ITGBL1: variants seen among roughly 807,000 people sequenced by gnomAD.
ITGBL1 encodes the protein integrin subunit beta like 1, also known as integrin beta-like protein 1.
ITGBL1 carries 51 observed loss-of-function variants against 68.5 expected under a neutral mutation model. The observed-to-expected ratio is 0.74, with a 90% confidence interval of 0.59 to 0.94. The LOEUF is 0.94. ITGBL1 is among the 40% of genes least tolerant of loss of function. ITGBL1 has a pLI of 0.00. For synonymous variants in ITGBL1, 209 were observed against 227.3 expected, an observed-to-expected ratio of 0.92 and a Z score of 0.72; for missense variants, 649 against 647.4, an observed-to-expected ratio of 1.00 and a Z score of -0.03.
chr13:101,454,053 A>T lies in ITGBL1; in HGVS notation c.269A>T (p.Glu90Val). Residue 90 changes from glutamate to valine, a missense_variant, in exon 2 of 11, where the codon GAG becomes GTG. Transcript: ENST00000376180. ...GGCATGTTCTTCGGGCCCCTGTGTG[A>T]GTGCCATGAGTGGGTGTGCGAGACC... ...EPGMFFGPLC[E>V]CHEWVCETYD... is the part of the protein sequence containing the mutation. The T allele has an allele frequency of 1.3e-6, 2 of 1,591,752 alleles. No individual in the cohort carries two copies. The highest frequency in any genetic ancestry group is 8.6e-7 in the Non-Finnish European group (1 of 1,169,472).
intron 7 of ITGBL1, among the ~76,000 whole-genome samples, chr13:101,626,776 C>T (rs938761728): frequency 6.6e-6 from 1 of 152,118 alleles, no homozygotes; most frequent in East Asian, 1.9e-4. Context: ...AATAGGAGTA[C>T]ATCTTTTTTT....
intron 9 of ITGBL1, among the ~76,000 whole-genome samples, chr13:101,709,060 G>A (rs1168911834): frequency 3.9e-5 from 6 of 152,194 alleles, no homozygotes; most frequent in Non-Finnish European, 8.8e-5. Context: ...TTGGGGAGAA[G>A]GAGATTAAGG....
chr13:101,495,517 A>G (rs1211852853), intron 2 of ITGBL1, among the ~76,000 whole-genome samples: 2 of 151,882 alleles, frequency 1.3e-5, no homozygotes, highest in East Asian at 1.9e-4. Flanking sequence ...GATTTAATCC[A>G]TGTATGGGTG....
At chr13:101,495,785 A>C (rs1162292449) in intron 2 of ITGBL1, among the ~76,000 whole-genome samples, 2 of 152,100 alleles carry the variant, frequency 1.3e-5, no homozygotes, top group African/African-American at 4.8e-5. Context: ...TCTGTCTGGG[A>C]CCTGGTAAGG....
intron 2 of ITGBL1, among the ~76,000 whole-genome samples, chr13:101,557,748 G>A (rs2050030860): frequency 6.6e-6 from 1 of 152,010 alleles, no homozygotes; most frequent in Non-Finnish European, 1.5e-5. Flanking sequence ...GGCTTGAGAG[G>A]CTTCTGTCAT....
At chr13:101,598,659 C>T (rs1566749589) in intron 7 of ITGBL1, among the ~76,000 whole-genome samples, 2 of 152,044 alleles carry the variant, frequency 1.3e-5, no homozygotes, top group Non-Finnish European at 2.9e-5. Flanking sequence ...TTGTTCAATT[C>T]CCACCTATGA....
intron 6 of ITGBL1, among the ~76,000 whole-genome samples, chr13:101,590,546 T>C (rs2050634141): frequency 6.6e-6 from 1 of 152,180 alleles, no homozygotes; most frequent in South Asian, 2.1e-4. Flanking sequence ...TCACAGCCAT[T>C]AAACTTTCAA....
intron 7 of ITGBL1, among the ~76,000 whole-genome samples, chr13:101,631,651 C>G (rs1435797230): frequency 1.3e-5 from 2 of 152,246 alleles, no homozygotes; most frequent in East Asian, 3.9e-4. Context: ...AATTGAAGAA[C>G]TGTGTGTGAG....
chr13:101,482,636 A>G (rs933323536), intron 2 of ITGBL1, among the ~76,000 whole-genome samples: 3 of 152,154 alleles, frequency 2.0e-5, no homozygotes, highest in Non-Finnish European at 4.4e-5. Flanking sequence ...TATACTTTCC[A>G]TATATAGGCA....
chr13:101,481,000 ATATGTGTGTGTG>A lies in ITGBL1; in HGVS notation c.316+26902_316+26913del, dbSNP rs576535923. On this transcript the variant is annotated intron_variant, in intron 2 of 10. Transcript: ENST00000376180. ...ATAGGGAGCCTTTTAATGCCAAAAG[ATATGTGTGTGTG>A]TGTGTGTGTGTGTGTGTGTGTGTGT... 4.1e-3 allele frequency among the ~76,000 whole-genome samples: 528 copies of A among 128,122 alleles called. 2 individuals are homozygous for A. Among genetic ancestry groups the A allele is most frequent in the Middle Eastern group, 0.016 (4 of 254 alleles). The allele number at this position is 128,122 out of a possible 152,430, so 84.1% of individuals were successfully genotyped here.
intron 2 of ITGBL1, among the ~76,000 whole-genome samples, chr13:101,517,096 G>A (rs1281782138): frequency 6.6e-6 from 1 of 152,150 alleles, no homozygotes; most frequent in Non-Finnish European, 1.5e-5. Context: ...CTGGGTATGA[G>A]AAGAAAAGAA....
At chr13:101,674,055 C>T (rs2033440831) in intron 7 of ITGBL1, among the ~76,000 whole-genome samples, 1 of 152,206 alleles carries the variant, frequency 6.6e-6, no homozygotes, top group Non-Finnish European at 1.5e-5. Flanking sequence ...TCACTTGTGT[C>T]AGACACTGAC....
In ITGBL1 at chr13:101,552,384, G is replaced by A. The variant is rs2049935443; in HGVS notation, c.317-15315G>A. Among the ~76,000 whole-genome samples the A allele has an allele frequency of 2.0e-5, 3 of 152,040 alleles. No individual in the cohort carries two copies. In the South Asian group the frequency reaches 6.2e-4, roughly 32 times the overall value. On this transcript the variant is annotated intron_variant, in intron 2 of 10. Coordinates refer to ENST00000376180, the MANE Select transcript of ITGBL1 (RefSeq NM_004791.3). ...AATTCATTTGAAATATTTCTCCCTTGTCCATGAATTGCTTTGTAAATCTTG... is the reference window on the plus strand; with the variant it reads ...AATTCATTTGAAATATTTCTCCCTTATCCATGAATTGCTTTGTAAATCTTG...
At chr13:101,644,207 G>A (rs888558581) in intron 7 of ITGBL1, among the ~76,000 whole-genome samples, 1 of 152,114 alleles carries the variant, frequency 6.6e-6, no homozygotes, top group Non-Finnish European at 1.5e-5. Flanking sequence ...CACTGACTCT[G>A]CACCTTCAAT....
intron 2 of ITGBL1, among the ~76,000 whole-genome samples, chr13:101,555,118 A>C (rs1463857618): frequency 6.6e-6 from 1 of 152,226 alleles, no homozygotes; most frequent in African/African-American, 2.4e-5. Context: ...AAAGTATAAA[A>C]AGTGACAATA....
intron 7 of ITGBL1, among the ~76,000 whole-genome samples, chr13:101,680,150 C>T (rs1039735378): frequency 6.6e-6 from 1 of 152,100 alleles, no homozygotes; most frequent in Non-Finnish European, 1.5e-5. Context: ...TTACTGTATT[C>T]GCACAAAAAT....
intron 2 of ITGBL1, among the ~76,000 whole-genome samples, chr13:101,551,488 G>T (rs1000700811): frequency 4.6e-5 from 7 of 152,162 alleles, no homozygotes; most frequent in African/African-American, 1.7e-4. Flanking sequence ...ATGGCCTTGG[G>T]GGCTGGAGAA....
intron 2 of ITGBL1, among the ~76,000 whole-genome samples, chr13:101,515,174 A>G (rs1332696988): frequency 6.6e-6 from 1 of 152,110 alleles, no homozygotes; most frequent in Non-Finnish European, 1.5e-5. Context: ...ATAATACTTA[A>G]TTGGTGATTC....
intron 7 of ITGBL1, among the ~76,000 whole-genome samples, chr13:101,674,171 TACAC>T (rs890691337): frequency 6.6e-6 from 1 of 152,208 alleles, no homozygotes; most frequent in Non-Finnish European, 1.5e-5. Flanking sequence ...TGCAACCTAA[TACAC>T]ACACACATAC....
Sources: allele counts gnomAD v4.1 joint callset (sites outside exome capture counted in the v4.1 genomes callset), GRCh38; gene constraint gnomAD v4.1.1; transcripts MANE v1.5; gene names NCBI Gene and HGNC (gene_info 2026-07-23, HGNC 2026-07-21).